The following ZBTB20 variants were observed in gnomAD, a reference collection of about 807,000 sequenced individuals.
The protein encoded by ZBTB20 is zinc finger and BTB domain-containing protein 20.
A neutral mutation model predicts 56.9 loss-of-function variants in ZBTB20; 9 were observed. That is an observed-to-expected ratio of 0.16 (90% CI 0.10 to 0.28). ZBTB20 has a LOEUF of 0.28. Ranked by LOEUF, ZBTB20 falls within the 10% of genes least tolerant of loss-of-function variation. ZBTB20 has a pLI of 1.00. For synonymous variants in ZBTB20, 417 were observed against 420.7 expected (o/e 0.99, Z 0.11); for missense variants, 655 against 1,003.0 (o/e 0.65, Z 4.69).
At chr3:114,540,462 A>G (rs145551976) in intron 6 of ZBTB20, among the ~76,000 whole-genome samples, 14 of 152,244 alleles carry the variant, frequency 9.2e-5, no homozygotes, top group African/African-American at 3.4e-4. Context: ...CCTCATACCT[A>G]GGCTACATCT....
chr3:115,025,433 G>T (rs1221803556), intron 2 of ZBTB20, among the ~76,000 whole-genome samples: 2 of 151,060 alleles, frequency 1.3e-5, no homozygotes, highest in African/African-American at 4.8e-5. Context: ...CTTTATAATA[G>T]AATGATTTAT....
intron 2 of ZBTB20, among the ~76,000 whole-genome samples, chr3:115,028,381 T>C (rs552956248): frequency 4.6e-5 from 7 of 150,952 alleles, no homozygotes; most frequent in Non-Finnish European, 8.9e-5. Flanking sequence ...TTATAGAACT[T>C]ACTATAAAAA....
intron 5 of ZBTB20, among the ~76,000 whole-genome samples, chr3:114,733,117 T>A (rs2065878234): frequency 6.6e-6 from 1 of 152,190 alleles, no homozygotes; most frequent in South Asian, 2.1e-4. Flanking sequence ...TGGTTTAATG[T>A]AAACACATAT....
intron 2 of ZBTB20, among the ~76,000 whole-genome samples, chr3:115,055,200 T>TCTCTCTCC (rs749414254): frequency 3.6e-5 from 5 of 140,490 alleles, no homozygotes; most frequent in Non-Finnish European, 7.9e-5. Flanking sequence ...TCTCTCTCTC[T>TCTCTCTCC]CTCTCTCTCT....
chr3:114,882,505 G>A (rs1024967658), intron 4 of ZBTB20, among the ~76,000 whole-genome samples: 5 of 151,896 alleles, frequency 3.3e-5, no homozygotes, highest in African/African-American at 9.7e-5. Context: ...TTTAAACAGC[G>A]AAGAAACTGT....
Position 115,091,035 on chromosome 3 carries a change from A to G in ZBTB20, c.-702-19621T>C, listed in dbSNP as rs548430736. Among the ~76,000 whole-genome samples, 5 of 152,106 alleles carry G rather than the reference A, an allele frequency of 3.3e-5. No homozygotes were observed. In the East Asian group the frequency reaches 5.8e-4, roughly 18 times the overall value. On this transcript the variant is annotated intron_variant, in intron 1 of 11. Coordinates refer to ENST00000675478, the MANE Select transcript of ZBTB20 (RefSeq NM_001348800.3). The stretch of plus-strand genomic sequence containing the variant: ...CCAACCTGTGGGTTCATCTTACTAT[A>G]TAAGTTCATTGTACTTTATTTATTA...
chr3:114,929,694 C>A (rs2076285421), intron 3 of ZBTB20, among the ~76,000 whole-genome samples: 1 of 152,184 alleles, frequency 6.6e-6, no homozygotes, highest in South Asian at 2.1e-4. Flanking sequence ...TATGTGCAAA[C>A]TGAGTTGCAT....
intron 5 of ZBTB20, among the ~76,000 whole-genome samples, chr3:114,746,951 A>C (rs2108625032): frequency 6.6e-6 from 1 of 152,326 alleles, no homozygotes; most frequent in African/African-American, 2.4e-5. Context: ...TGTTGGAAAG[A>C]TATTTTCTCA....
At chr3:114,512,105 C>G (rs1196843557) in intron 6 of ZBTB20, among the ~76,000 whole-genome samples, 1 of 152,132 alleles carries the variant, frequency 6.6e-6, no homozygotes, top group East Asian at 1.9e-4. Context: ...TACTATTTCT[C>G]TGACTTCATC....
chr3:114,801,524 A>G (rs1431737156), intron 4 of ZBTB20, among the ~76,000 whole-genome samples: 1 of 151,696 alleles, frequency 6.6e-6, no homozygotes, highest in African/African-American at 2.4e-5. Context: ...CTCCTAAACA[A>G]TTTCTACAGC....
At chr3:114,878,044 A>G (rs2076261249) in intron 4 of ZBTB20, among the ~76,000 whole-genome samples, 1 of 152,074 alleles carries the variant, frequency 6.6e-6, no homozygotes, top group South Asian at 2.1e-4. Flanking sequence ...TATTTCATCA[A>G]ACAATGAAAA....
chr3:115,108,219 G>C lies in ZBTB20; in HGVS notation c.-702-36805C>G, dbSNP rs545536938. Among the ~76,000 whole-genome samples, 5 of 151,848 alleles carry C rather than the reference G, an allele frequency of 3.3e-5. No homozygotes were observed. The South Asian group carries it at 1.0e-3, about 32-fold the overall frequency. On this transcript the variant is annotated intron_variant, in intron 1 of 11. Transcript: ENST00000675478. The stretch of plus-strand genomic sequence containing the variant: ...CATTTCTGAAAAGAAAATTCAGCTT[G>C]CCTTCACATTTCATTTATCTATTAT...
intron 1 of ZBTB20, among the ~76,000 whole-genome samples, chr3:115,075,949 A>G (rs2082579209): frequency 6.6e-6 from 1 of 152,186 alleles, no homozygotes; most frequent in Non-Finnish European, 1.5e-5. Context: ...CACAAAATCA[A>G]CAGACAAAAT....
intron 6 of ZBTB20, among the ~76,000 whole-genome samples, chr3:114,587,629 G>A (rs547786468): frequency 9.2e-5 from 14 of 152,332 alleles, no homozygotes; most frequent in African/African-American, 3.1e-4. Flanking sequence ...GAACTAAAAT[G>A]TAGGGAGTTA....
intron 6 of ZBTB20, among the ~76,000 whole-genome samples, chr3:114,647,690 C>T (rs539918753): frequency 6.6e-6 from 1 of 152,232 alleles, no homozygotes; most frequent in East Asian, 1.9e-4. Flanking sequence ...ACCTGTATTA[C>T]ATATACAATG....
chr3:114,344,062 G>A (rs1228551941), intron 11 of ZBTB20, among the ~76,000 whole-genome samples: 3 of 152,022 alleles, frequency 2.0e-5, no homozygotes, highest in African/African-American at 2.4e-5. Context: ...AAAAAAATGG[G>A]GGGCCCACAC....
At position 115,005,973 on chromosome 3, in the gene ZBTB20, G is replaced by A. The variant is rs141963463; in HGVS notation, c.-506-31557C>T. 1.1e-4 allele frequency among the ~76,000 whole-genome samples: 17 copies of A among 151,198 alleles called. No homozygotes were observed. The East Asian group carries it at 2.2e-3, about 19-fold the overall frequency. On this transcript the variant is annotated intron_variant, in intron 2 of 11. Coordinates refer to ENST00000675478, the MANE Select transcript of ZBTB20 (RefSeq NM_001348800.3). ...CTCACAGCATTCTACCCACGTTAAT[G>A]TCCTTTTTGTTCCTAGACATTGCCA...
At chr3:114,806,187 G>T (rs546672228) in intron 4 of ZBTB20, among the ~76,000 whole-genome samples, 107 of 151,928 alleles carry the variant, frequency 7.0e-4, no homozygotes, top group African/African-American at 2.2e-3. Flanking sequence ...TTTCCAAAGT[G>T]ACTATACTCT....
intron 2 of ZBTB20, among the ~76,000 whole-genome samples, chr3:115,049,303 G>A (rs529527190): frequency 6.6e-6 from 1 of 152,220 alleles, no homozygotes; most frequent in Non-Finnish European, 1.5e-5. Flanking sequence ...AAGAAAAGGA[G>A]TATCTGGTGG....
Sources: gnomAD v4.1 joint callset for allele counts (sites outside exome capture counted in the v4.1 genomes callset) on GRCh38, gnomAD v4.1.1 for gene constraint, MANE v1.5 for transcripts, NCBI Gene and HGNC (gene_info 2026-07-23, HGNC 2026-07-21) for gene names.